The following TRAPPC9 variants were observed in gnomAD, a reference collection of about 807,000 sequenced individuals.
TRAPPC9 encodes trafficking protein particle complex subunit 9.
TRAPPC9 carries 83 observed loss-of-function variants against 124.0 expected under a neutral mutation model. The observed-to-expected ratio is 0.67, with a 90% CI of 0.56 to 0.80. The LOEUF (loss-of-function observed/expected upper bound fraction) is 0.80. Among genes scored for constraint, TRAPPC9 ranks in the 30% least tolerant of loss-of-function variants. TRAPPC9 has a pLI of 0.00. For synonymous variants in TRAPPC9, 638 were observed against 617.5 expected, an observed-to-expected ratio of 1.03 and a Z score of -0.49; for missense variants, 1,302 against 1,508.3, an observed-to-expected ratio of 0.86 and a Z score of 2.27.
intron 11 of TRAPPC9, among the ~76,000 whole-genome samples, chr8:140,291,736 C>T (rs141845047): frequency 2.0e-5 from 3 of 152,368 alleles, no homozygotes; most frequent in Non-Finnish European, 2.9e-5. Flanking sequence ...GAAGGTTGTC[C>T]TGAATGGGCT....
At chr8:139,863,508 C>A (rs1828309357) in intron 21 of TRAPPC9, among the ~76,000 whole-genome samples, 2 of 152,216 alleles carry the variant, frequency 1.3e-5, no homozygotes, top group African/African-American at 2.4e-5. Context: ...GAGCGTGGAA[C>A]CTTGAGCACT....
chr8:139,797,784 C>G (rs1456685241), intron 21 of TRAPPC9, among the ~76,000 whole-genome samples: 1 of 152,144 alleles, frequency 6.6e-6, no homozygotes, highest in Non-Finnish European at 1.5e-5. Context: ...TGTTTGGCAG[C>G]CTTGTTGAAA....
intron 19 of TRAPPC9, among the ~76,000 whole-genome samples, chr8:139,971,394 C>T (rs1230100537): frequency 6.6e-6 from 1 of 152,136 alleles, no homozygotes; most frequent in African/African-American, 2.4e-5. Context: ...CACTGGTGAG[C>T]AATCCCCACC....
At chr8:140,155,174 G>A (rs1312740466) in intron 17 of TRAPPC9, among the ~76,000 whole-genome samples, 2 of 152,220 alleles carry the variant, frequency 1.3e-5, no homozygotes, top group East Asian at 1.9e-4. Flanking sequence ...TACCATAAAA[G>A]GGGTGAGGAG....
chr8:140,413,227 A>G (rs990340136), intron 5 of TRAPPC9, among the ~76,000 whole-genome samples: 3 of 152,106 alleles, frequency 2.0e-5, no homozygotes, highest in Non-Finnish European at 4.4e-5. Flanking sequence ...CATCTCTACT[A>G]AAAATACAAA....
chr8:139,794,488 AG>A (rs1822912929), intron 21 of TRAPPC9, among the ~76,000 whole-genome samples: 1 of 152,212 alleles, frequency 6.6e-6, no homozygotes, highest in Non-Finnish European at 1.5e-5. Flanking sequence ...TTCGTTAGGC[AG>A]GGACTCCTGG....
chr8:140,210,418 C>T lies in TRAPPC9; in HGVS notation c.2556+11041G>A, dbSNP rs941287276. On this transcript the variant is annotated intron_variant, in intron 17 of 22. Coordinates refer to ENST00000438773, the MANE Select transcript of TRAPPC9 (RefSeq NM_001160372.4). ...GAAAATGCTGGACAGGACACTGTGGCGGCTGCTGCTGCTGGAGGGAAGTGG... is the reference window on the plus strand; with the variant it reads ...GAAAATGCTGGACAGGACACTGTGGTGGCTGCTGCTGCTGGAGGGAAGTGG... Among the ~76,000 whole-genome samples the T allele has an allele frequency of 3.3e-5, 5 of 152,320 alleles. No individual in the cohort carries two copies. In the South Asian group the frequency reaches 6.2e-4, roughly 19 times the overall value.
Position 140,397,871 on chromosome 8 carries a change from C to A in TRAPPC9, c.1009-126G>T, listed in dbSNP as rs746991967. ...TTCCCCCATCACAGGGCTCCAGATACCCCTCCTGATATGGTTTGGTTCTGT... is the reference window on the plus strand; with the variant it reads ...TTCCCCCATCACAGGGCTCCAGATAACCCTCCTGATATGGTTTGGTTCTGT... On this transcript the variant is annotated intron_variant, in intron 6 of 22. Coordinates refer to ENST00000438773, the MANE Select transcript of TRAPPC9 (RefSeq NM_001160372.4). The A allele has an allele frequency of 8.6e-5, 106 of 1,239,116 alleles. 1 individual carries two copies. The highest frequency in any genetic ancestry group is 1.2e-4 in the Non-Finnish European group (101 of 862,370). The allele number at this position is 1,239,116 out of a possible 1,614,324, so 76.8% of individuals were successfully genotyped here. A position where few individuals can be genotyped will look rare whatever the true frequency, so the allele number is the denominator to read the frequency against.
chr8:140,324,077 G>A (rs1315267859), intron 9 of TRAPPC9, among the ~76,000 whole-genome samples: 4 of 151,766 alleles, frequency 2.6e-5, no homozygotes, highest in South Asian at 2.1e-4. Flanking sequence ...CCCAAAGTCC[G>A]TTGTATCATT....
intron 21 of TRAPPC9, among the ~76,000 whole-genome samples, chr8:139,868,647 A>T (rs1475050366): frequency 6.6e-6 from 1 of 152,202 alleles, no homozygotes. Flanking sequence ...ACAACCTCAC[A>T]TACGCTTTGT....
chr8:139,894,731 G>A (rs140765478), intron 20 of TRAPPC9, among the ~76,000 whole-genome samples: 31 of 152,330 alleles, frequency 2.0e-4, no homozygotes, highest in East Asian at 1.4e-3. Context: ...CGTGTGTGCC[G>A]TGCTGGCAAG....
intron 21 of TRAPPC9, among the ~76,000 whole-genome samples, chr8:139,748,563 G>A (rs1819110209): frequency 6.7e-6 from 1 of 148,614 alleles, no homozygotes; most frequent in Non-Finnish European, 1.5e-5. Context: ...GTGGAGATTT[G>A]CAGGTGTCAG....
chr8:140,374,843 T>C (rs945414527), intron 7 of TRAPPC9, among the ~76,000 whole-genome samples: 9 of 152,212 alleles, frequency 5.9e-5, no homozygotes, highest in Non-Finnish European at 8.8e-5. Context: ...GATTCTTTCA[T>C]GGAACCTATC....
chr8:139,951,566 T>C (rs1441850225), intron 19 of TRAPPC9, among the ~76,000 whole-genome samples: 1 of 152,240 alleles, frequency 6.6e-6, no homozygotes, highest in African/African-American at 2.4e-5. Flanking sequence ...ACATGTCTGT[T>C]GCTCATGTAA....
chr8:139,924,169 C>A (rs1832670739), intron 19 of TRAPPC9, among the ~76,000 whole-genome samples: 1 of 152,188 alleles, frequency 6.6e-6, no homozygotes, highest in African/African-American at 2.4e-5. Flanking sequence ...CAGTGTCATC[C>A]TGGATAAATC....
chr8:140,436,479 A>ATCAGAGTTAATACAAGTCAGAT (rs2070818471), intron 3 of TRAPPC9, among the ~76,000 whole-genome samples: 3 of 152,266 alleles, frequency 2.0e-5, no homozygotes. Flanking sequence ...TTTCTTTAAT[A>ATCAGAGTTAATACAAGTCAGAT]TCAGAGTTAA....
intron 8 of TRAPPC9, among the ~76,000 whole-genome samples, chr8:140,364,209 A>G (rs872051): frequency 0.42 from 63,481 of 149,562 alleles, 13,662 homozygotes; most frequent in East Asian, 0.55. Context: ...AAGAAAATGA[A>G]GACCACTCCT....
intron 17 of TRAPPC9, among the ~76,000 whole-genome samples, chr8:140,212,108 C>T (rs888317830): frequency 6.6e-6 from 1 of 152,206 alleles, no homozygotes. Flanking sequence ...AAAGAGCCTG[C>T]GCTCAGGACC....
intron 17 of TRAPPC9, among the ~76,000 whole-genome samples, chr8:140,034,023 A>G (rs1335551670): frequency 6.6e-6 from 1 of 152,146 alleles, no homozygotes; most frequent in Non-Finnish European, 1.5e-5. Context: ...TGTAAGATCT[A>G]TAGTATGTTC....
Sources: allele counts gnomAD v4.1 joint callset (sites outside exome capture counted in the v4.1 genomes callset), GRCh38; gene constraint gnomAD v4.1.1; transcripts MANE v1.5; gene names NCBI Gene and HGNC (gene_info 2026-07-23, HGNC 2026-07-21).